BET1: variants seen among roughly 807,000 people sequenced by gnomAD.
BET1 encodes the protein BET1 homolog.
A neutral mutation model predicts 13.9 loss-of-function variants in BET1; 9 were observed. The ratio of observed to expected loss-of-function variants is 0.65; its 90% CI spans 0.39 to 1.13. The LOEUF (loss-of-function observed/expected upper bound fraction) is 1.13. BET1 is among the 50% of genes most tolerant of loss of function. The pLI is 0.01. For synonymous variants in BET1, 39 were observed against 47.3 expected (o/e 0.82, Z 0.72); for missense variants, 127 against 133.6 (o/e 0.95, Z 0.24).
At chr7:93,969,069 A>G (rs1795219541) in intron 6 of BET1, among the ~76,000 whole-genome samples, 1 of 151,850 alleles carries the variant, frequency 6.6e-6, no homozygotes, top group East Asian at 1.9e-4. Flanking sequence ...GTGATAGCAA[A>G]AGAATGAAAA....
intron 5 of BET1, among the ~76,000 whole-genome samples, chr7:93,975,057 C>A (rs1795315558): frequency 6.6e-6 from 1 of 151,902 alleles, no homozygotes; most frequent in Admixed American, 6.6e-5. Flanking sequence ...GATGGAAATT[C>A]TACAAAATAG....
chr7:93,996,154 A>G (rs1447213170), intron 3 of BET1, 111 bp downstream of exon 3: 1 of 802,784 alleles, frequency 1.2e-6, no homozygotes, highest in Non-Finnish European at 2.0e-6. Context: ...ATACAAATGG[A>G]CGGGAATCAA....
chr7:93,968,720 T>A (rs1478568355), intron 6 of BET1, among the ~76,000 whole-genome samples: 1 of 151,762 alleles, frequency 6.6e-6, no homozygotes, highest in Non-Finnish European at 1.5e-5. Flanking sequence ...CACACTACAC[T>A]CTCTTTCTTT....
chr7:94,004,098 G>T, intron 1 of BET1, 100 bp downstream of exon 1: 1 of 1,555,162 alleles, frequency 6.4e-7, no homozygotes, highest in South Asian at 1.1e-5. Context: ...CCTGTTTTTT[G>T]GACCAAATGC....
intron 6 of BET1, among the ~76,000 whole-genome samples, chr7:93,972,230 T>C (rs1235181507): frequency 1.3e-5 from 2 of 151,894 alleles, no homozygotes; most frequent in Non-Finnish European, 2.9e-5. Flanking sequence ...CACAACACTG[T>C]AAGTTCAATA....
chr7:93,984,282 C>A (rs891809382), intron 4 of BET1, among the ~76,000 whole-genome samples: 1 of 152,110 alleles, frequency 6.6e-6, no homozygotes, highest in South Asian at 2.1e-4. Context: ...CTCACCCTAA[C>A]CCAGTGTGGC....
At chr7:93,972,529 C>T (rs1283506299) in intron 6 of BET1, 1 of 151,708 alleles carries the variant, frequency 6.6e-6, no homozygotes, top group African/African-American at 2.4e-5. Context: ...CAAATCAAGG[C>T]TGATTGATTC....
chr7:94,001,904 A>C (rs1795915391), intron 1 of BET1, among the ~76,000 whole-genome samples: 1 of 152,160 alleles, frequency 6.6e-6, no homozygotes, highest in South Asian at 2.1e-4. Context: ...GCCTATCTTA[A>C]TTTTAATTTT....
Position 94,004,301 on chromosome 7 carries a change from G to T in BET1, c.-85C>A. ...AGGGGCGACCCGGACCGCGTCTTCAGTACCAGGGCCCAGCGAAACACCAAC... is the reference window on the plus strand; with the variant it reads ...AGGGGCGACCCGGACCGCGTCTTCATTACCAGGGCCCAGCGAAACACCAAC... On this transcript the variant is annotated 5_prime_UTR_variant, in exon 1 of 4. It adds an upstream start codon to the 5' untranslated region. Transcript: ENST00000222547. 6.3e-7 allele frequency: 1 copy of T among 1,575,920 alleles called. No individual in the cohort carries two copies. Among genetic ancestry groups the T allele is most frequent in the South Asian group, 1.1e-5 (1 of 90,238 alleles).
intron 4 of BET1, among the ~76,000 whole-genome samples, chr7:93,976,675 A>C (rs932700099): frequency 6.6e-6 from 1 of 152,056 alleles, no homozygotes; most frequent in African/African-American, 2.4e-5. Context: ...ACTTATTATT[A>C]TTTTTTAAAT....
exon 7 of BET1, chr7:93,965,657 T>C (rs1431267074): frequency 6.6e-6 from 1 of 152,042 alleles, no homozygotes; most frequent in African/African-American, 2.4e-5. Context: ...CTGGAACTGA[T>C]TGCCCAACTA....
rs781321258 is a variant in BET1, at chr7:93,999,261, T to G, written c.53A>C (p.Tyr18Ser). 1 of 1,612,622 alleles carries G rather than the reference T, an allele frequency of 6.2e-7. No individual in the cohort carries two copies. The highest frequency in any genetic ancestry group is 1.1e-5 in the South Asian group (1 of 90,754). ...ACTATACCCACTATTAGCATAGCCA[T>G]AGTTCCCATAGTTGCCAGGAGGTAC... ...EGVPPGNYGNYGYANSGYSAC... is the reference protein window; with the variant it reads ...EGVPPGNYGNSGYANSGYSAC... Residue 18 changes from tyrosine (Y) to serine (S), a missense_variant, in exon 2 of 4, where the codon TAT (tyrosine) becomes TCT (serine). Coordinates refer to ENST00000222547, the MANE Select transcript of BET1 (RefSeq NM_005868.6).
intron 4 of BET1, among the ~76,000 whole-genome samples, chr7:93,978,764 C>T (rs986771111): frequency 6.6e-6 from 1 of 152,122 alleles, no homozygotes; most frequent in African/African-American, 2.4e-5. Context: ...GAAAAAATGG[C>T]TTTGACAAAC....
intron 4 of BET1, among the ~76,000 whole-genome samples, chr7:93,977,053 T>C (rs1795347802): frequency 6.6e-6 from 1 of 152,170 alleles, no homozygotes; most frequent in African/African-American, 2.4e-5. Context: ...TCTATATCTA[T>C]ATCTCAATCA....
At chr7:93,979,863 C>A (rs1203266240) in intron 4 of BET1, among the ~76,000 whole-genome samples, 1 of 152,048 alleles carries the variant, frequency 6.6e-6, no homozygotes, top group Non-Finnish European at 1.5e-5. Flanking sequence ...CTGGGAGCCA[C>A]TGAGAAAGAA....
chr7:93,999,542 G>C, intron 1 of BET1: 1 of 472,326 alleles, frequency 2.1e-6, no homozygotes, highest in Non-Finnish European at 3.9e-6. Context: ...ATTGCTTATT[G>C]ATTGTCCAGA....
At chr7:94,001,481 C>A (rs1409086418) in intron 1 of BET1, among the ~76,000 whole-genome samples, 3 of 152,120 alleles carry the variant, frequency 2.0e-5, no homozygotes, top group Non-Finnish European at 4.4e-5. Context: ...ACCACAAAAA[C>A]CACAACAAAA....
intron 1 of BET1, among the ~76,000 whole-genome samples, chr7:94,003,309 G>A (rs1795953840): frequency 6.7e-6 from 1 of 149,202 alleles, no homozygotes; most frequent in South Asian, 2.1e-4. Flanking sequence ...ACGGTTATTG[G>A]CAACTTTCAC....
At chr7:93,964,049 G>A (rs1795137324) in exon 7 of BET1, 1 of 151,840 alleles carries the variant, frequency 6.6e-6, no homozygotes, top group African/African-American at 2.4e-5. Context: ...CTCAGTGGCA[G>A]GGCGAGACTC....
Sources: gnomAD v4.1 joint callset for allele counts (sites outside exome capture counted in the v4.1 genomes callset) on GRCh38, gnomAD v4.1.1 for gene constraint, MANE v1.5 for transcripts, NCBI Gene and HGNC (gene_info 2026-07-23, HGNC 2026-07-21) for gene names.